Variants in SMAD7 observed in about 807,000 individuals in gnomAD.
SMAD7 encodes the protein SMAD family member 7.
Under a neutral mutation model 38.7 loss-of-function variants are expected in SMAD7, and 8 were observed. The ratio of observed to expected loss-of-function variants is 0.21; its 90% CI spans 0.12 to 0.37. SMAD7 has a LOEUF of 0.37. Among genes scored for constraint, SMAD7 ranks in the 10% least tolerant of loss-of-function variants. The pLI is 1.00. For missense variants in SMAD7, 477 were observed against 577.9 expected (o/e 0.83, Z 1.79); for synonymous variants, 327 against 265.1 (o/e 1.23, Z -2.27).
At chr18:48,936,216 T>C (rs564075301) in intron 3 of SMAD7, among the ~76,000 whole-genome samples, 119 of 151,944 alleles carry the variant, frequency 7.8e-4, no homozygotes, top group African/African-American at 2.7e-3. Context: ...CCAAAACAAG[T>C]GTCTACCATC....
chr18:48,949,192 C>T (rs1025789856), intron 1 of SMAD7: 5 of 634,672 alleles, frequency 7.9e-6, no homozygotes, highest in African/African-American at 5.9e-5. Context: ...TGTTCCTCTG[C>T]ACCCTGGGGC....
chr18:48,925,099 A>T (rs968120261), intron 3 of SMAD7, among the ~76,000 whole-genome samples: 1 of 152,196 alleles, frequency 6.6e-6, no homozygotes, highest in African/African-American at 2.4e-5. Flanking sequence ...GGGGCTGGGA[A>T]GTTCAGTCAG....
chr18:48,922,447 T>C (rs2069873275), intron 3 of SMAD7, among the ~76,000 whole-genome samples: 1 of 152,080 alleles, frequency 6.6e-6, no homozygotes. Flanking sequence ...GGACCACCTA[T>C]GCGATGGTCT....
chr18:48,947,892 A>AC (rs71165356), intron 2 of SMAD7, among the ~76,000 whole-genome samples: 21,329 of 112,660 alleles, frequency 0.19, 2,424 homozygotes, highest in African/African-American at 0.27. Flanking sequence ...GGAGGAACCT[A>AC]CCCCCCCCCC....
chr18:48,924,306 CAGGAGG>C (rs572100994), intron 3 of SMAD7, among the ~76,000 whole-genome samples: 1 of 151,776 alleles, frequency 6.6e-6, no homozygotes, highest in South Asian at 2.1e-4. Flanking sequence ...CACCGGCCAA[CAGGAGG>C]AGGAGGAGGA....
intron 3 of SMAD7, among the ~76,000 whole-genome samples, chr18:48,929,569 T>TCTCTCTCA (rs3082710): frequency 1.6e-4 from 18 of 114,626 alleles, no homozygotes; most frequent in East Asian, 5.4e-4. Flanking sequence ...TCTCTCTCTC[T>TCTCTCTCA]CACTCACACA....
chr18:48,936,420 C>A (rs1231348956), intron 3 of SMAD7, among the ~76,000 whole-genome samples: 1 of 152,194 alleles, frequency 6.6e-6, no homozygotes, highest in African/African-American at 2.4e-5. Context: ...ACTGTGCAAC[C>A]ATCACCACTC....
At position 48,950,353 on chromosome 18, in the gene SMAD7, C is replaced by G. The variant is rs1178000496; in HGVS notation, c.72G>C (p.Glu24Asp). The G allele has an allele frequency of 1.9e-6, 3 of 1,541,474 alleles. No homozygotes were observed. The highest frequency in any genetic ancestry group is 1.7e-6 in the Non-Finnish European group (2 of 1,143,306). The change falls in exon 1 of 4, where the codon GAG becomes GAC. Residue 24 changes from glutamate to aspartate, a missense_variant. Transcript: ENST00000262158. ...CTCCACCTCCCCCTGCGCCCTCCTCCTCGTCCTCGCCGCCGGGCGCACGGC... is the reference window on the plus strand; with the variant it reads ...CTCCACCTCCCCCTGCGCCCTCCTCGTCGTCCTCGCCGCCGGGCGCACGGC... ...WRSRAPGGED[E>D]EEGAGGGGGG...
chr18:48,925,438 C>CA (rs996107442), intron 3 of SMAD7, among the ~76,000 whole-genome samples: 2 of 151,878 alleles, frequency 1.3e-5, no homozygotes, highest in African/African-American at 2.4e-5. Context: ...TGTTGCCCCC[C>CA]CCCAACCTTC....
intron 3 of SMAD7, among the ~76,000 whole-genome samples, chr18:48,935,904 C>T (rs552096028): frequency 2.6e-4 from 39 of 151,960 alleles, no homozygotes; most frequent in African/African-American, 5.6e-4. Context: ...CATGGTGAAA[C>T]GCCCTTTCTA....
At chr18:48,922,039 G>A (rs886395352) in intron 3 of SMAD7, 129 bp from the exon 4 acceptor site, 26 of 725,044 alleles carry the variant, frequency 3.6e-5, no homozygotes, top group African/African-American at 2.0e-4. Flanking sequence ...AGAAGGAGGC[G>A]GTGAGGCTAG....
intron 3 of SMAD7, among the ~76,000 whole-genome samples, chr18:48,937,204 C>T (rs542700203): frequency 1.3e-5 from 2 of 151,724 alleles, no homozygotes; most frequent in African/African-American, 4.8e-5. Flanking sequence ...GAGCTTGCCA[C>T]GGAGGTCCCA....
chr18:48,944,362 G>T (rs1018434639), intron 2 of SMAD7, among the ~76,000 whole-genome samples: 4 of 152,172 alleles, frequency 2.6e-5, no homozygotes, highest in African/African-American at 9.7e-5. Flanking sequence ...CCACATTCAG[G>T]GTGTCAGCCC....
At chr18:48,944,938 CAG>C (rs2070179867) in intron 2 of SMAD7, among the ~76,000 whole-genome samples, 1 of 151,862 alleles carries the variant, frequency 6.6e-6, no homozygotes, top group Admixed American at 6.6e-5. Flanking sequence ...GCAGCTCCAA[CAG>C]AGTCTTTGAA....
chr18:48,926,420 G>A (rs1281019225), intron 3 of SMAD7, among the ~76,000 whole-genome samples: 5 of 152,224 alleles, frequency 3.3e-5, no homozygotes, highest in Admixed American at 2.0e-4. Context: ...GGTCAAAGGC[G>A]AGTGAGGACG....
intron 1 of SMAD7, among the ~76,000 whole-genome samples, chr18:48,948,870 G>T (rs1293798301): frequency 3.3e-5 from 5 of 152,262 alleles, no homozygotes; most frequent in Admixed American, 3.3e-4. Context: ...TCGCGCGGGG[G>T]ACACGGGGCT....
chr18:48,950,164 G>T lies in SMAD7; in HGVS notation c.261C>A (p.Gly87=). The change falls in exon 1 of 4, where the codon GGC becomes GGA. Residue 87 remains glycine, a synonymous_variant. Coordinates refer to ENST00000262158, the MANE Select transcript of SMAD7 (RefSeq NM_005904.4). The stretch of plus-strand genomic sequence containing the variant: ...TGAGCGCCTTCAGATCCGCCTCGGC[G>T]CCCCCGGCCGCGCCGGCGCCCGCGG... ...PPAAGAGAAG[G]AEADLKALTH... 6.7e-7 allele frequency: 1 copy of T among 1,486,772 alleles called. No individual in the cohort carries two copies. Among genetic ancestry groups the T allele is most frequent in the Non-Finnish European group, 8.9e-7 (1 of 1,124,466 alleles). 92.1% of individuals were successfully genotyped at this position (1,486,772 alleles called of 1,614,324 possible). A position where few individuals can be genotyped will look rare whatever the true frequency, so the allele number is the denominator to read the frequency against.
chr18:48,940,358 T>C (rs1047968239), intron 3 of SMAD7, among the ~76,000 whole-genome samples: 1 of 152,210 alleles, frequency 6.6e-6, no homozygotes, highest in African/African-American at 2.4e-5. Flanking sequence ...TCCTTATTAA[T>C]ATCTGTGTCT....
intron 3 of SMAD7, among the ~76,000 whole-genome samples, chr18:48,940,133 A>G (rs2070120846): frequency 6.6e-6 from 1 of 151,816 alleles, no homozygotes; most frequent in Non-Finnish European, 1.5e-5. Flanking sequence ...AACCCCCAAA[A>G]CAGTGTACCC....
Sources: gnomAD v4.1 joint callset for allele counts (sites outside exome capture counted in the v4.1 genomes callset) on GRCh38, gnomAD v4.1.1 for gene constraint, MANE v1.5 for transcripts, NCBI Gene and HGNC (gene_info 2026-07-23, HGNC 2026-07-21) for gene names.